The following STX3 variants were observed in gnomAD, a reference collection of about 807,000 sequenced individuals.
STX3 encodes the protein syntaxin-3.
STX3 carries 19 observed loss-of-function variants against 40.2 expected under a neutral mutation model. That is an observed-to-expected ratio of 0.47 (90% CI 0.33 to 0.69). The LOEUF (loss-of-function observed/expected upper bound fraction) is 0.69, where lower values mean the gene tolerates loss of function less well. Ranked by LOEUF, STX3 falls within the 30% of genes least tolerant of loss-of-function variation. The pLI, the probability that STX3 is intolerant of heterozygous loss-of-function variation, is 0.02. For missense variants in STX3, 364 were observed against 366.7 expected, an observed-to-expected ratio of 0.99 and a Z score of 0.06; for synonymous variants, 122 against 132.2, an observed-to-expected ratio of 0.92 and a Z score of 0.53.
intron 8 of STX3, 130 bp downstream of exon 8, chr11:59,793,644 G>T (rs1183577645): frequency 1.5e-6 from 2 of 1,292,362 alleles, no homozygotes; most frequent in East Asian, 2.4e-5. Flanking sequence ...TTGCATAAAG[G>T]AGAAACAGAA....
chr11:59,799,712 G>A, intron 10 of STX3: 1 of 985,370 alleles, frequency 1.0e-6, no homozygotes, highest in African/African-American at 1.7e-5. Context: ...CATGTGACCA[G>A]GGGATCTAAA....
intron 6 of STX3, 111 bp downstream of exon 6, chr11:59,792,326 T>A: frequency 1.2e-6 from 1 of 822,886 alleles, no homozygotes; most frequent in Non-Finnish European, 2.0e-6. Flanking sequence ...TGTGCCTAAG[T>A]CTAGGGCAGC....
intron 1 of STX3, among the ~76,000 whole-genome samples, chr11:59,765,995 C>T (rs1863263945): frequency 6.6e-6 from 1 of 152,202 alleles, no homozygotes; most frequent in Admixed American, 6.5e-5. Flanking sequence ...GGTGCTGCCC[C>T]ACCGGCCCAC....
intron 1 of STX3, among the ~76,000 whole-genome samples, chr11:59,757,576 C>T (rs1862789920): frequency 1.3e-5 from 2 of 152,196 alleles, no homozygotes; most frequent in South Asian, 2.1e-4. Flanking sequence ...TCCTCCCCTT[C>T]CCTCTTGGGG....
At chr11:59,761,114 T>C (rs1240590594) in intron 1 of STX3, among the ~76,000 whole-genome samples, 1 of 152,172 alleles carries the variant, frequency 6.6e-6, no homozygotes, top group East Asian at 1.9e-4. Context: ...AAGCCAGACC[T>C]TACAGGTCCA....
At chr11:59,760,053 G>A (rs193151639) in intron 1 of STX3, among the ~76,000 whole-genome samples, 15 of 152,318 alleles carry the variant, frequency 9.8e-5, no homozygotes, top group African/African-American at 2.2e-4. Context: ...CTCTGGAAGA[G>A]CTGTTTTTCT....
At position 59,787,578 on chromosome 11, in the gene STX3, A is replaced by G. The variant is rs371403100; in HGVS notation, c.214+442A>G. On this transcript the variant is annotated intron_variant, in intron 3 of 10. Coordinates refer to ENST00000337979, the MANE Select transcript of STX3 (RefSeq NM_004177.5). ...GTTCGAGTTCACAGAAATTCCTTCT[A>G]TCCCTAAACTCCTGTTTGTTACCAC... 3.2e-4 allele frequency among the ~76,000 whole-genome samples: 49 copies of G among 152,254 alleles called. 1 individual carries two copies. In the South Asian group the frequency reaches 9.3e-3, roughly 29 times the overall value.
Position 59,759,947 on chromosome 11 carries a change from T to C in STX3, c.30+4312T>C, listed in dbSNP as rs192011638. Among the ~76,000 whole-genome samples, 4 of 152,318 alleles carry C rather than the reference T, an allele frequency of 2.6e-5. No homozygotes were observed. The East Asian group carries it at 7.7e-4, about 29-fold the overall frequency. ...ATAACTGAACCTTAACATACCAATC[T>C]GCGCTTCACTGAGATTCTGTCTTTC... On this transcript the variant is annotated intron_variant, in intron 1 of 10. Transcript: ENST00000337979.
chr11:59,789,231 C>T (rs1590812093), intron 4 of STX3: 1 of 266,696 alleles, frequency 3.7e-6, no homozygotes, highest in East Asian at 1.0e-4. Context: ...GGTCCTTTAA[C>T]TTAGTCTTTC....
At chr11:59,767,837 A>C (rs537685665) in intron 1 of STX3, among the ~76,000 whole-genome samples, 6 of 152,276 alleles carry the variant, frequency 3.9e-5, no homozygotes, top group Admixed American at 2.0e-4. Flanking sequence ...CTGGACAGAA[A>C]GTGAAAAGAG....
chr11:59,775,804 A>G (rs1217157795), intron 2 of STX3, among the ~76,000 whole-genome samples: 2 of 152,210 alleles, frequency 1.3e-5, no homozygotes, highest in African/African-American at 2.4e-5. Context: ...GGGCTGCTGC[A>G]TTGCTTATTT....
rs952810497 is a variant in STX3, at chr11:59,790,501, C to T, written c.290-18C>T. ...AGGCGGAGATAGGTTGCAAGTATAA[C>T]CTTCCTCTCCTCTTTAGGCATGGAG... On this transcript the variant is annotated intron_variant, in intron 4 of 10. Transcript: ENST00000337979. 9.3e-6 allele frequency: 15 copies of T among 1,605,118 alleles called. No individual in the cohort carries two copies. In the African/African-American group the frequency reaches 1.7e-4, roughly 19 times the overall value.
intron 1 of STX3, among the ~76,000 whole-genome samples, chr11:59,755,847 C>T (rs1336158325): frequency 1.3e-5 from 2 of 152,194 alleles, no homozygotes; most frequent in Non-Finnish European, 2.9e-5. Context: ...AATGATTTTC[C>T]TGAACGCCTC....
Position 59,802,729 on chromosome 11 carries a change from C to A in STX3, c.*1905C>A. Reference sequence around the variant, plus strand: ...AAACGGTTCTGGCTCTGTCTCGATGCAGAAACACAATGATCTGGTGCCACC... The same window carrying A: ...AAACGGTTCTGGCTCTGTCTCGATGAAGAAACACAATGATCTGGTGCCACC... On this transcript the variant is annotated 3_prime_UTR_variant, in exon 11 of 11. Transcript: ENST00000337979. 1.0e-6 allele frequency: 1 copy of A among 985,932 alleles called. No individual in the cohort carries two copies. Among genetic ancestry groups the A allele is most frequent in the Non-Finnish European group, 1.2e-6 (1 of 830,040 alleles). The allele number at this position is 985,932 out of a possible 1,614,324, so 61.1% of individuals were successfully genotyped here.
At chr11:59,776,283 A>G (rs1366766236) in intron 2 of STX3, among the ~76,000 whole-genome samples, 1 of 152,184 alleles carries the variant, frequency 6.6e-6, no homozygotes, top group Non-Finnish European at 1.5e-5. Flanking sequence ...AGTTTTCTCT[A>G]AAAAGAGAAT....
At chr11:59,756,469 T>TG (rs1862724072) in intron 1 of STX3, among the ~76,000 whole-genome samples, 1 of 152,226 alleles carries the variant, frequency 6.6e-6, no homozygotes. Flanking sequence ...TGCTAAGCCT[T>TG]GGAGATTCAG....
chr11:59,782,881 C>T (rs1864489689), intron 2 of STX3, among the ~76,000 whole-genome samples: 1 of 151,302 alleles, frequency 6.6e-6, no homozygotes. Flanking sequence ...TGCCTGTAAT[C>T]CCAGCTACTT....
At position 59,800,961 on chromosome 11, in the gene STX3, C is replaced by G. The variant is rs975003567; in HGVS notation, c.*137C>G. 2.6e-6 allele frequency: 4 copies of G among 1,535,580 alleles called. No individual in the cohort carries two copies. Among genetic ancestry groups the G allele is most frequent in the Non-Finnish European group, 3.5e-6 (4 of 1,146,526 alleles). On this transcript the variant is annotated 3_prime_UTR_variant, in exon 11 of 11. Coordinates refer to ENST00000337979, the MANE Select transcript of STX3 (RefSeq NM_004177.5). ...TGCGACCCGTTCCTTTGTTTCCTTG[C>G]AACCACCCTTGGACCTGACTCAGCT...
At chr11:59,780,607 G>A (rs1864307686) in intron 2 of STX3, among the ~76,000 whole-genome samples, 1 of 152,030 alleles carries the variant, frequency 6.6e-6, no homozygotes, top group South Asian at 2.1e-4. Context: ...TTTCTCAATA[G>A]ACCCCGCCTC....
Sources: allele counts gnomAD v4.1 joint callset (sites outside exome capture counted in the v4.1 genomes callset), GRCh38; gene constraint gnomAD v4.1.1; transcripts MANE v1.5; gene names NCBI Gene and HGNC (gene_info 2026-07-23, HGNC 2026-07-21).